The following SLC43A2 variants were observed in gnomAD, a reference collection of about 807,000 sequenced individuals.
SLC43A2 encodes the protein solute carrier family 43 member 2.
A neutral mutation model predicts 63.2 loss-of-function variants in SLC43A2; 38 were observed. The ratio of observed to expected loss-of-function variants is 0.60; its 90% CI spans 0.46 to 0.79. SLC43A2 has a LOEUF of 0.79. SLC43A2 is among the 30% of genes least tolerant of loss of function. SLC43A2 has a pLI of 0.00. For missense variants in SLC43A2, 644 were observed against 756.2 expected (o/e 0.85, Z 1.74); for synonymous variants, 322 against 331.0 (o/e 0.97, Z 0.30).
At chr17:1,610,934 G>C (rs534621873) in intron 5 of SLC43A2, among the ~76,000 whole-genome samples, 1 of 150,550 alleles carries the variant, frequency 6.6e-6, no homozygotes, top group African/African-American at 2.4e-5. Flanking sequence ...TCCGCCTCCC[G>C]GCCTCAAGCG....
Position 1,577,818 on chromosome 17 carries a change from A to G in SLC43A2, c.1424+432T>C, listed in dbSNP as rs536317001. ...GGCTCTGGATGGGCCCGTCTGGTGT[A>G]TTCTGGACTCAGTCACCCATGTTGC... On this transcript the variant is annotated intron_variant, in intron 12 of 13. Coordinates refer to ENST00000301335, the MANE Select transcript of SLC43A2 (RefSeq NM_152346.3). This position sits in a 1 kb window ranked among gnomAD's most constrained non-coding sequence, Gnocchi z 4.9. Among the ~76,000 whole-genome samples the G allele has an allele frequency of 6.6e-6, 1 of 152,292 alleles. No homozygotes were observed. The highest frequency in any genetic ancestry group is 1.9e-4 in the East Asian group (1 of 5,184).
chr17:1,597,423 T>A (rs183112930), intron 5 of SLC43A2, among the ~76,000 whole-genome samples: 233 of 147,800 alleles, frequency 1.6e-3, no homozygotes, highest in African/African-American at 5.6e-3. Context: ...GAGAATTGCT[T>A]GAACCCGGGT....
chr17:1,584,696 T>C (rs2076074328), intron 10 of SLC43A2, among the ~76,000 whole-genome samples: 1 of 151,768 alleles, frequency 6.6e-6, no homozygotes, highest in African/African-American at 2.4e-5. Context: ...GGCGGGCGCC[T>C]GTAGTCCCAG....
At position 1,606,363 on chromosome 17, in the gene SLC43A2, T is replaced by G. The variant is rs1374692794; in HGVS notation, c.501+6832A>C. Among the ~76,000 whole-genome samples, 3 of 152,172 alleles carry G rather than the reference T, an allele frequency of 2.0e-5. No individual in the cohort carries two copies. The highest frequency in any genetic ancestry group is 3.8e-4 in the East Asian group (2 of 5,202). On this transcript the variant is annotated intron_variant, in intron 5 of 13. Transcript: ENST00000301335. The surrounding 1 kb of genome is among the most constrained non-coding windows in gnomAD (Gnocchi z 4.7). ...TCAGATCCCACCTCCCATGAAATCA[T>G]GCCTTCCTCAGGTTTAAAGTCAGAC...
intron 5 of SLC43A2, among the ~76,000 whole-genome samples, chr17:1,600,937 C>T (rs888181784): frequency 1.3e-5 from 2 of 151,590 alleles, no homozygotes; most frequent in Admixed American, 6.6e-5. Flanking sequence ...TAACATTTTA[C>T]CCTTGAGATT....
intron 5 of SLC43A2, among the ~76,000 whole-genome samples, chr17:1,597,044 G>A (rs1277642095): frequency 2.0e-5 from 3 of 151,538 alleles, no homozygotes; most frequent in African/African-American, 7.3e-5. Context: ...GTGAGACCCC[G>A]TCTCTACCAA....
At chr17:1,623,877 C>A (rs886587501) in intron 2 of SLC43A2, among the ~76,000 whole-genome samples, 5 of 151,944 alleles carry the variant, frequency 3.3e-5, no homozygotes, top group African/African-American at 4.8e-5. Context: ...CTCCTCTCCT[C>A]CAGGGTGTAC....
intron 9 of SLC43A2, among the ~76,000 whole-genome samples, chr17:1,590,125 T>G (rs1904608106): frequency 6.6e-6 from 1 of 152,156 alleles, no homozygotes; most frequent in African/African-American, 2.4e-5. Flanking sequence ...ATTTGGAGTG[T>G]TTGTCCCGCC....
chr17:1,600,153 T>TATATATATATA (rs1491178977), intron 5 of SLC43A2, among the ~76,000 whole-genome samples: 47 of 38,218 alleles, frequency 1.2e-3, no homozygotes, highest in African/African-American at 3.4e-3. Context: ...TATATATATA[T>TATATATATATA]TTTTTTTTTT....
chr17:1,575,400 C>T lies in SLC43A2; in HGVS notation c.*204G>A, dbSNP rs1009149877. On this transcript the variant is annotated 3_prime_UTR_variant, in exon 14 of 14. Coordinates refer to ENST00000301335, the MANE Select transcript of SLC43A2 (RefSeq NM_152346.3). The stretch of plus-strand genomic sequence containing the variant: ...CAGAGCAAAGTCAGGGCAGCCCCTG[C>T]GTTCGGCAGGAGAAAACGCGCGTGT... 24 of 659,556 alleles carry T rather than the reference C, an allele frequency of 3.6e-5. No individual in the cohort carries two copies. Among genetic ancestry groups the T allele is most frequent in the Admixed American group, 3.0e-4 (10 of 33,510 alleles). 40.9% of individuals were successfully genotyped at this position (659,556 alleles called of 1,614,324 possible).
intron 10 of SLC43A2, among the ~76,000 whole-genome samples, chr17:1,584,097 G>C (rs9903190): frequency 1.3e-5 from 2 of 152,168 alleles, no homozygotes; most frequent in African/African-American, 4.8e-5. Flanking sequence ...GTTTCACCAT[G>C]TTAGCCAGGA....
Position 1,593,254 on chromosome 17 carries a change from C to T in SLC43A2, c.527G>A (p.Arg176Gln), listed in dbSNP as rs1365482448. 1.9e-6 allele frequency: 3 copies of T among 1,613,886 alleles called. No individual in the cohort carries two copies. Among genetic ancestry groups the T allele is most frequent in the South Asian group, 1.1e-5 (1 of 91,024 alleles). ...LTLPNMFGDL[R>Q]STFIALMIGS... ...AATCATCAAGGCAATAAACGTGGAC[C>T]GAAGGTCGCCGAACATGTTGGGCAG... The change falls in exon 6 of 14, where the codon CGG becomes CAG. Residue 176 changes from arginine (R) to glutamine (Q), a missense_variant. By Grantham distance (43) the Arg-to-Gln change is conservative. Coordinates refer to ENST00000301335, the MANE Select transcript of SLC43A2 (RefSeq NM_152346.3). The surrounding 1 kb of genome is among the most constrained non-coding windows in gnomAD (Gnocchi z 5.3).
At chr17:1,629,852 G>A (rs1197864463), upstream of SLC43A2, among the ~76,000 whole-genome samples, 1 of 152,192 alleles carries the variant, frequency 6.6e-6, no homozygotes, top group East Asian at 1.9e-4. Context: ...CCCCGTCTTC[G>A]TCCCCCGGAT....
chr17:1,628,020 C>A lies in SLC43A2; in HGVS notation c.-46-100G>T. 4 of 1,160,338 alleles carry A rather than the reference C, an allele frequency of 3.4e-6. 1 individual carries two copies. The highest frequency in any genetic ancestry group is 4.4e-5 in the Admixed American group (1 of 22,540). The allele number at this position is 1,160,338 out of a possible 1,614,324, so 71.9% of individuals were successfully genotyped here. On this transcript the variant is annotated intron_variant, in intron 1 of 13. Transcript: ENST00000301335. ...GCCGCAGGGCTCGGGATTGCCACCCCTCCCCGGCCGCGGCGGCCGGTGCGC... is the reference window on the plus strand; with the variant it reads ...GCCGCAGGGCTCGGGATTGCCACCCATCCCCGGCCGCGGCGGCCGGTGCGC...
intron 9 of SLC43A2, among the ~76,000 whole-genome samples, chr17:1,590,344 G>A (rs1490072589): frequency 1.3e-5 from 2 of 152,068 alleles, no homozygotes; most frequent in Non-Finnish European, 2.9e-5. Flanking sequence ...GAGGGATGCA[G>A]ATCCCAGTGT....
At chr17:1,602,148 G>A (rs1246421558) in intron 5 of SLC43A2, among the ~76,000 whole-genome samples, 1 of 152,160 alleles carries the variant, frequency 6.6e-6, no homozygotes, top group Non-Finnish European at 1.5e-5. Context: ...GCAGGGGGCT[G>A]CATAGCAAGG....
Position 1,586,011 on chromosome 17 carries a change from C to A in SLC43A2, c.1119G>T (p.Leu373=). The A allele has an allele frequency of 6.2e-7, 1 of 1,611,572 alleles. No homozygotes were observed. Among genetic ancestry groups the A allele is most frequent in the Non-Finnish European group, 8.5e-7 (1 of 1,179,216 alleles). The change falls in exon 10 of 14, where the codon CTG becomes CTT. Residue 373 remains leucine, a synonymous_variant. Coordinates refer to ENST00000301335, the MANE Select transcript of SLC43A2 (RefSeq NM_152346.3). ...CAATGACGGGGGCCGTCAGCAGGCACAGCAGCTGGAGCACGCCGAAGATGG... is the reference window on the plus strand; with the variant it reads ...CAATGACGGGGGCCGTCAGCAGGCAAAGCAGCTGGAGCACGCCGAAGATGG... ...YTSIFGVLQL[L]CLLTAPVIGY...
In SLC43A2 at chr17:1,591,433, T is replaced by C. The variant is rs757797701; in HGVS notation, c.767A>G (p.Lys256Arg). 1.2e-6 allele frequency: 2 copies of C among 1,613,316 alleles called. No homozygotes were observed. Among genetic ancestry groups the C allele is most frequent in the Admixed American group, 3.3e-5 (2 of 60,026 alleles). Residue 256 changes from lysine (K) to arginine (R), a missense_variant, in exon 8 of 14, where the codon AAG becomes AGG. Lys to Arg is a conservative substitution (Grantham distance 26). Coordinates refer to ENST00000301335, the MANE Select transcript of SLC43A2 (RefSeq NM_152346.3). ...CTTGTAGAACTGCTTCCCTGTGATC[T>C]TGTGGTCAAAGCCCAGCCAGCTGAA... ...IKFSWLGFDH[K>R]ITGKQFYKQV...
At chr17:1,612,721 C>T (rs577809735) in intron 5 of SLC43A2, among the ~76,000 whole-genome samples, 26 of 152,376 alleles carry the variant, frequency 1.7e-4, no homozygotes, top group African/African-American at 5.5e-4. Flanking sequence ...CCTGTCACCC[C>T]AGCGCTTTGG....
Sources: gnomAD v4.1 joint callset for allele counts (sites outside exome capture counted in the v4.1 genomes callset) on GRCh38, gnomAD v4.1.1 for gene constraint, Gnocchi (gnomAD v3.1) non-coding constraint, MANE v1.5 for transcripts, NCBI Gene and HGNC (gene_info 2026-07-23, HGNC 2026-07-21) for gene names.